Variants in ATP2B2 observed in about 807,000 individuals in gnomAD.
ATP2B2 encodes ATPase plasma membrane Ca2+ transporting 2, also known as plasma membrane calcium-transporting ATPase 2.
ATP2B2 carries 15 observed loss-of-function variants against 120.0 expected under a neutral mutation model. The observed-to-expected ratio is 0.12, with a 90% CI of 0.08 to 0.19. The LOEUF (loss-of-function observed/expected upper bound fraction) is 0.19. ATP2B2 is among the 10% of genes least tolerant of loss of function. The pLI, the probability that ATP2B2 is intolerant of heterozygous loss-of-function variation, is 1.00. For synonymous variants in ATP2B2, 694 were observed against 700.3 expected (o/e 0.99, Z 0.14); for missense variants, 1,045 against 1,719.8 (o/e 0.61, Z 6.94).
At chr3:10,614,533 A>G (rs2069330107) in intron 2 of ATP2B2, among the ~76,000 whole-genome samples, 1 of 152,212 alleles carries the variant, frequency 6.6e-6, no homozygotes, top group Admixed American at 6.5e-5. Flanking sequence ...TAAACATAGA[A>G]ACACAAATGA....
At chr3:10,706,942 C>G (rs953695096) in intron 1 of ATP2B2, among the ~76,000 whole-genome samples, 1 of 152,152 alleles carries the variant, frequency 6.6e-6, no homozygotes, top group Non-Finnish European at 1.5e-5. Context: ...GACCTTGAGG[C>G]CAACTCACCC....
At chr3:10,384,680 C>G (rs374918587) in intron 8 of ATP2B2, among the ~76,000 whole-genome samples, 21 of 152,294 alleles carry the variant, frequency 1.4e-4, no homozygotes, top group African/African-American at 4.8e-4. Flanking sequence ...AGTCCACATC[C>G]GAAGGACAGA....
chr3:10,385,615 C>T (rs1209099214), intron 7 of ATP2B2, among the ~76,000 whole-genome samples: 1 of 152,088 alleles, frequency 6.6e-6, no homozygotes, highest in East Asian at 1.9e-4. Flanking sequence ...AGGTCTGGAC[C>T]CTGCTGGTCC....
chr3:10,628,429 C>T (rs903428145), intron 1 of ATP2B2, among the ~76,000 whole-genome samples: 5 of 151,236 alleles, frequency 3.3e-5, no homozygotes, highest in South Asian at 4.1e-4. Context: ...GAATGATTAA[C>T]GTGCAGGGAA....
At chr3:10,405,783 C>T (rs929996883) in intron 3 of ATP2B2, among the ~76,000 whole-genome samples, 15 of 152,180 alleles carry the variant, frequency 9.9e-5, no homozygotes, top group African/African-American at 3.1e-4. Context: ...TCCCAGATGG[C>T]TACCAGGGCC....
At position 10,341,749 on chromosome 3, in the gene ATP2B2, C is replaced by T. The variant is rs559126121; in HGVS notation, c.2917+1003G>A. Among the ~76,000 whole-genome samples the T allele has an allele frequency of 6.6e-5, 10 of 152,298 alleles. No homozygotes were observed. In the South Asian group the frequency reaches 1.4e-3, roughly 22 times the overall value. On this transcript the variant is annotated intron_variant, in intron 19 of 22. Coordinates refer to ENST00000360273, the MANE Select transcript of ATP2B2 (RefSeq NM_001001331.4). ...GCCAGCAAGCCGACCAGGACCCCCG[C>T]TCTCCTCTCCTCTCCAACCCCTCCA...
In ATP2B2 at chr3:10,596,981, G is replaced by A. The variant is rs114473492; in HGVS notation, c.-415+22936C>T. 4.9e-3 allele frequency among the ~76,000 whole-genome samples: 723 copies of A among 148,038 alleles called. 4 individuals are homozygous for A. The highest frequency in any genetic ancestry group is 0.017 in the African/African-American group (662 of 40,016). ...TACGCGTGCACACACACAGGCACAC[G>A]CACACGCAGGTGCACACGCACACAG... On this transcript the variant is annotated intron_variant, in intron 2 of 21. Transcript: ENST00000646379.
At chr3:10,398,063 T>C (rs2062098876) in intron 5 of ATP2B2, among the ~76,000 whole-genome samples, 1 of 152,196 alleles carries the variant, frequency 6.6e-6, no homozygotes. Flanking sequence ...TTCCATCTGG[T>C]TCATCCTGTG....
intron 1 of ATP2B2, among the ~76,000 whole-genome samples, chr3:10,479,656 C>G (rs1331789432): frequency 6.6e-6 from 1 of 152,120 alleles, no homozygotes; most frequent in East Asian, 1.9e-4. Flanking sequence ...CTGTCTGTCT[C>G]CTTTCACTAA....
At chr3:10,565,824 G>A (rs1003019528) in intron 2 of ATP2B2, among the ~76,000 whole-genome samples, 2 of 152,154 alleles carry the variant, frequency 1.3e-5, no homozygotes, top group Non-Finnish European at 2.9e-5. Context: ...AGTTAGAGTG[G>A]CTGAGTCCCA....
At chr3:10,475,498 G>T (rs1395661111) in intron 1 of ATP2B2, among the ~76,000 whole-genome samples, 5 of 152,200 alleles carry the variant, frequency 3.3e-5, no homozygotes, top group Non-Finnish European at 7.3e-5. Context: ...TCATGGGCAC[G>T]GATTGGGGTT....
chr3:10,353,207 G>C (rs1270113634), intron 14 of ATP2B2, among the ~76,000 whole-genome samples: 1 of 152,226 alleles, frequency 6.6e-6, no homozygotes, highest in East Asian at 1.9e-4. Flanking sequence ...GAACACAGAA[G>C]GGGGTTTTGT....
At chr3:10,351,113 G>A (rs1038741793) in intron 14 of ATP2B2, among the ~76,000 whole-genome samples, 16 of 152,200 alleles carry the variant, frequency 1.1e-4, no homozygotes, top group Non-Finnish European at 2.4e-4. Flanking sequence ...TATGCTTCAG[G>A]TAAAATACGC....
chr3:10,558,030 G>A (rs1242819316), intron 2 of ATP2B2, among the ~76,000 whole-genome samples: 6 of 152,156 alleles, frequency 3.9e-5, no homozygotes, highest in Admixed American at 3.3e-4. Context: ...GGAAGGAGAC[G>A]ACAGGTCATC....
In ATP2B2 at chr3:10,449,654, G is replaced by T. The variant is rs1401144187; in HGVS notation, c.-111C>A. 8 of 1,386,386 alleles carry T rather than the reference G, an allele frequency of 5.8e-6. No individual in the cohort carries two copies. The highest frequency in any genetic ancestry group is 1.2e-5 in the South Asian group (1 of 85,182). The allele number at this position is 1,386,386 out of a possible 1,614,324, so 85.9% of individuals were successfully genotyped here. On this transcript the variant is annotated 5_prime_UTR_variant, in exon 2 of 23. Coordinates refer to ENST00000360273, the MANE Select transcript of ATP2B2 (RefSeq NM_001001331.4). ...CAGCACACCCTCACTGGTCAGCTGTGGCACCAGGCGGCCGACTCCGGGTCC... is the reference window on the plus strand; with the variant it reads ...CAGCACACCCTCACTGGTCAGCTGTTGCACCAGGCGGCCGACTCCGGGTCC...
At chr3:10,566,038 T>C (rs115030601) in intron 2 of ATP2B2, among the ~76,000 whole-genome samples, 2 of 152,288 alleles carry the variant, frequency 1.3e-5, no homozygotes, top group African/African-American at 4.8e-5. Context: ...TATTCATCCA[T>C]GAGTCCAGAT....
chr3:10,592,608 A>T (rs1184932237), intron 2 of ATP2B2, among the ~76,000 whole-genome samples: 1 of 152,196 alleles, frequency 6.6e-6, no homozygotes, highest in African/African-American at 2.4e-5. Flanking sequence ...CTAAGAATGG[A>T]TCTTTGTCTT....
At chr3:10,569,301 T>G (rs1426133409) in intron 2 of ATP2B2, among the ~76,000 whole-genome samples, 1 of 152,208 alleles carries the variant, frequency 6.6e-6, no homozygotes, top group African/African-American at 2.4e-5. Flanking sequence ...GAGCCACCCC[T>G]CACTCACATC....
At chr3:10,623,054 CTT>C (rs34097914) in intron 1 of ATP2B2, among the ~76,000 whole-genome samples, 22 of 106,604 alleles carry the variant, frequency 2.1e-4, no homozygotes, top group African/African-American at 6.5e-4. Context: ...TTGGTCAGCT[CTT>C]TTTTTTTTTT....
Sources: gnomAD v4.1 joint callset for allele counts (sites outside exome capture counted in the v4.1 genomes callset) on GRCh38, gnomAD v4.1.1 for gene constraint, MANE v1.5 for transcripts, NCBI Gene and HGNC (gene_info 2026-07-23, HGNC 2026-07-21) for gene names.